SYCP2: variants seen among roughly 807,000 people sequenced by gnomAD.
SYCP2 encodes synaptonemal complex protein 2.
Under a neutral mutation model 211.3 loss-of-function variants are expected in SYCP2, and 55 were observed. The observed-to-expected ratio is 0.26, with a 90% CI of 0.21 to 0.33. The LOEUF (loss-of-function observed/expected upper bound fraction) is 0.33. Ranked by LOEUF, SYCP2 falls within the 10% of genes least tolerant of loss-of-function variation. The pLI is 1.00. For synonymous variants in SYCP2, 570 were observed against 555.2 expected, an observed-to-expected ratio of 1.03 and a Z score of -0.37; for missense variants, 1,731 against 1,752.0, an observed-to-expected ratio of 0.99 and a Z score of 0.21.
chr20:59,930,057 T>C (rs969556963), intron 2 of SYCP2, among the ~76,000 whole-genome samples: 2 of 152,136 alleles, frequency 1.3e-5, no homozygotes, highest in African/African-American at 4.8e-5. Context: ...CTATCTCTTA[T>C]TACTGAGCAC....
intron 16 of SYCP2, 55 bp downstream of exon 16, chr20:59,901,607 A>T (rs2060116977): frequency 1.8e-6 from 2 of 1,122,700 alleles, no homozygotes; most frequent in African/African-American, 1.6e-5. Flanking sequence ...TTATAACGCC[A>T]AACTGTTTCC....
intron 14 of SYCP2, among the ~76,000 whole-genome samples, chr20:59,909,271 G>A (rs981742570): frequency 4.6e-5 from 7 of 152,146 alleles, no homozygotes; most frequent in East Asian, 1.9e-4. Flanking sequence ...TCTACTTACA[G>A]CTCAACTTCC....
chr20:59,896,559 AAC>A lies in SYCP2; in HGVS notation c.1405-33_1405-32del, dbSNP rs577308158. The stretch of plus-strand genomic sequence containing the variant: ...ACCACGATGAAAAACAACCACTGTA[AAC>A]ACAGTCTTTTTGAAATTAAATATCC... On this transcript the variant is annotated intron_variant, in intron 18 of 44. Coordinates refer to ENST00000357552, the MANE Select transcript of SYCP2 (RefSeq NM_014258.4). The A allele has an allele frequency of 1.3e-4, 150 of 1,159,736 alleles. No individual in the cohort carries two copies. In the African/African-American group the frequency reaches 2.0e-3, roughly 15 times the overall value. 71.8% of individuals were successfully genotyped at this position (1,159,736 alleles called of 1,614,324 possible).
At chr20:59,892,531 C>T in intron 23 of SYCP2, 37 bp downstream of exon 23, 8 of 1,567,442 alleles carry the variant, frequency 5.1e-6, no homozygotes, top group Non-Finnish European at 6.0e-6. Context: ...AGGAAATTAA[C>T]ACTGAACTAT....
At chr20:59,903,037 C>T (rs1249466776) in intron 15 of SYCP2, among the ~76,000 whole-genome samples, 2 of 152,090 alleles carry the variant, frequency 1.3e-5, no homozygotes, top group East Asian at 3.8e-4. Context: ...TAACTCCTTG[C>T]TTGCACATGG....
chr20:59,929,111 A>G (rs2060687058), intron 2 of SYCP2, among the ~76,000 whole-genome samples: 1 of 152,008 alleles, frequency 6.6e-6, no homozygotes, highest in African/African-American at 2.4e-5. Context: ...GAAAAGAAGA[A>G]GAGGTCATTC....
In SYCP2 at chr20:59,873,918, T is replaced by C. The variant is rs1205092785; in HGVS notation, c.3493A>G (p.Asn1165Asp). Residue 1165 changes from asparagine to aspartate, a missense_variant, in exon 35 of 45, where the codon AAT becomes GAT. Around this residue, in one of 3 missense-constraint regions of SYCP2, gnomAD observed 1,387 missense variants for 1,351.3 expected, o/e 1.03. Coordinates refer to ENST00000357552, the MANE Select transcript of SYCP2 (RefSeq NM_014258.4). ...CTTGCACACAGGAAGTTTTTCTCAT[T>C]GTTTTTGGGTGACTTTATTGTACCT... ...VGGTIKSPKNNEKNFLCASES... is the reference protein window; with the variant it reads ...VGGTIKSPKNDEKNFLCASES... 1.9e-6 allele frequency: 3 copies of C among 1,613,262 alleles called. No individual in the cohort carries two copies. The highest frequency in any genetic ancestry group is 1.7e-5 in the Admixed American group (1 of 59,912).
intron 2 of SYCP2, among the ~76,000 whole-genome samples, chr20:59,928,858 A>G (rs967077763): frequency 7.2e-5 from 11 of 152,192 alleles, no homozygotes; most frequent in Admixed American, 2.0e-4. Flanking sequence ...ATAAACTATT[A>G]GCAGAAAATT....
In SYCP2 at chr20:59,869,914, G is replaced by C. The variant is rs750219803; in HGVS notation, c.3625C>G (p.Gln1209Glu). 6.2e-7 allele frequency: 1 copy of C among 1,605,886 alleles called. No homozygotes were observed. The highest frequency in any genetic ancestry group is 8.5e-7 in the Non-Finnish European group (1 of 1,174,226). The change falls in exon 36 of 45, where the codon CAA becomes GAA. Residue 1209 changes from glutamine (Q) to glutamate (E), a missense_variant. Physicochemically the swap from Gln to Glu is conservative, Grantham distance 29. Around this residue, in one of 3 missense-constraint regions of SYCP2, gnomAD observed 1,387 missense variants for 1,351.3 expected, o/e 1.03. Transcript: ENST00000357552. ...TAGCTGTTACTGTTTTGTGTTTCTTGTGTAAGTACCAGAGAACTTATTTTT... is the reference window on the plus strand; with the variant it reads ...TAGCTGTTACTGTTTTGTGTTTCTTCTGTAAGTACCAGAGAACTTATTTTT... Reference protein sequence around the residue: ...RKKISSLVLTQETQNSNSYSD... With the variant: ...RKKISSLVLTEETQNSNSYSD...
chr20:59,920,280 A>G (rs1433110467), intron 5 of SYCP2, 79 bp downstream of exon 5: 2 of 1,286,962 alleles, frequency 1.6e-6, no homozygotes, highest in Non-Finnish European at 2.1e-6. Context: ...ATTTTCAACA[A>G]TTTGGATAAT....
At position 59,919,123 on chromosome 20, in the gene SYCP2, T is replaced by C. The variant is rs2145868387; in HGVS notation, c.427+35A>G. On this transcript the variant is annotated intron_variant, in intron 7 of 44. Coordinates refer to ENST00000357552, the MANE Select transcript of SYCP2 (RefSeq NM_014258.4). ...TATACTAAAACTCTAACAGTAAAAT[T>C]TATTGTTCCAATAGAAAATAAGTGT... 3.5e-6 allele frequency: 4 copies of C among 1,155,924 alleles called. No homozygotes were observed. The East Asian group carries it at 1.0e-4, about 29-fold the overall frequency. The allele number at this position is 1,155,924 out of a possible 1,614,324, so 71.6% of individuals were successfully genotyped here. A position where few individuals can be genotyped will look rare whatever the true frequency, so the allele number is the denominator to read the frequency against.
At chr20:59,912,171 T>C in intron 13 of SYCP2, 1 of 431,518 alleles carries the variant, frequency 2.3e-6, no homozygotes, top group Non-Finnish European at 4.2e-6. Context: ...ACAGCCTTTA[T>C]TTTTCAGTTA....
chr20:59,914,235 T>G lies in SYCP2; in HGVS notation c.651A>C (p.Val217=), dbSNP rs752157833. 2.5e-6 allele frequency: 4 copies of G among 1,579,342 alleles called. No homozygotes were observed. In the South Asian group the frequency reaches 3.5e-5, roughly 14 times the overall value. ...TTCTACACAAAGCTTCTACAATGCC[T>G]ACCTGTAAGTCATAATCTATTAAAA... is the stretch of plus-strand genomic sequence containing the variant. ...ILDAGDYDLQ[V]GIVEALCRMT... Residue 217 remains valine (V), a synonymous_variant, in exon 11 of 45, where the codon GTA becomes GTC. Transcript: ENST00000357552.
Position 59,919,148 on chromosome 20 carries a change from T to G in SYCP2, c.427+10A>C. On this transcript the variant is annotated intron_variant, in intron 7 of 44. Transcript: ENST00000357552. The stretch of plus-strand genomic sequence containing the variant: ...TTATTGTTCCAATAGAAAATAAGTG[T>G]TTATTATACCTTCATCACTGACATC... The G allele has an allele frequency of 1.6e-6, 2 of 1,255,226 alleles. No individual in the cohort carries two copies. The highest frequency in any genetic ancestry group is 2.3e-6 in the Non-Finnish European group (2 of 883,010). The allele number at this position is 1,255,226 out of a possible 1,614,324, so 77.8% of individuals were successfully genotyped here.
In SYCP2 at chr20:59,876,480, T is replaced by G. The variant is rs77709665; in HGVS notation, c.3150+905A>C. 3.6e-3 allele frequency among the ~76,000 whole-genome samples: 515 copies of G among 143,402 alleles called. 6 individuals carry two copies. Among genetic ancestry groups the G allele is most frequent in the African/African-American group, 0.012 (457 of 38,932 alleles). 94.1% of individuals were successfully genotyped at this position (143,402 alleles called of 152,430 possible). A position where few individuals can be genotyped will look rare whatever the true frequency, so the allele number is the denominator to read the frequency against. On this transcript the variant is annotated intron_variant, in intron 33 of 44. Transcript: ENST00000357552. ...AAGCATTTTGGGTAAGAGATAAGAT[T>G]GCAAACAAGAAGAGATGGAAGTTTA...
rs540010891 is a variant in SYCP2, at chr20:59,922,473, CAT to C, written c.-46-16_-46-15del. On this transcript the variant is annotated splice_polypyrimidine_tract_variant and intron_variant, in intron 2 of 44. Transcript: ENST00000357552. ...CAAAATAAACACCTATAAAAGAAAA[CAT>C]ATATTTTCTGTATCTCACAATCTGT... 241 of 1,232,282 alleles carry C rather than the reference CAT, an allele frequency of 2.0e-4. No homozygotes were observed. The African/African-American group carries it at 2.3e-3, about 12-fold the overall frequency. 76.3% of individuals were successfully genotyped at this position (1,232,282 alleles called of 1,614,324 possible). A position where few individuals can be genotyped will look rare whatever the true frequency, so the allele number is the denominator to read the frequency against.
intron 3 of SYCP2, 139 bp from the exon 4 acceptor site, chr20:59,921,592 A>C (rs2060542258): frequency 4.1e-6 from 2 of 483,100 alleles, no homozygotes; most frequent in Admixed American, 4.3e-5. Flanking sequence ...ATTTTTTAAA[A>C]ATATGGCCAC....
At chr20:59,885,868 T>C in intron 26 of SYCP2, 60 bp downstream of exon 26, 1 of 1,308,340 alleles carries the variant, frequency 7.6e-7, no homozygotes, top group Non-Finnish European at 1.1e-6. Context: ...TATTTTAGTG[T>C]TTATGGTCAA....
chr20:59,919,648 T>C (rs577260718), intron 5 of SYCP2, 51 bp from the exon 6 acceptor site: 18 of 1,165,082 alleles, frequency 1.5e-5, no homozygotes, highest in East Asian at 1.4e-4. Flanking sequence ...ATTTTAAGAA[T>C]GTACTTATCT....
Sources: gnomAD v4.1 joint callset for allele counts (sites outside exome capture counted in the v4.1 genomes callset) on GRCh38, gnomAD v4.1.1 for gene constraint, gnomAD v4.1.1 regional missense constraint, MANE v1.5 for transcripts, NCBI Gene and HGNC (gene_info 2026-07-23, HGNC 2026-07-21) for gene names.